Variants in ADAM32 observed in about 807,000 individuals in gnomAD.
ADAM32 encodes disintegrin and metalloproteinase domain-containing protein 32.
Under a neutral mutation model 114.9 loss-of-function variants are expected in ADAM32, and 89 were observed. The observed-to-expected ratio is 0.77, with a 90% CI of 0.65 to 0.92. The LOEUF (loss-of-function observed/expected upper bound fraction) is 0.92. ADAM32 is among the 40% of genes least tolerant of loss of function. The pLI is 0.00. For synonymous variants in ADAM32, 285 were observed against 307.5 expected (o/e 0.93, Z 0.77); for missense variants, 870 against 932.8 (o/e 0.93, Z 0.88).
intron 22 of ADAM32, among the ~76,000 whole-genome samples, chr8:39,279,032 G>A (rs6994258): frequency 0.036 from 5,436 of 151,976 alleles, 257 homozygotes; most frequent in African/African-American, 0.11. Flanking sequence ...CTTTTTCTAG[G>A]TGGCTTCTAA....
chr8:39,178,186 G>A (rs942730847), intron 10 of ADAM32, among the ~76,000 whole-genome samples: 2 of 152,092 alleles, frequency 1.3e-5, no homozygotes, highest in African/African-American at 4.8e-5. Context: ...ATATAATCCC[G>A]TATTTCTCAG....
intron 11 of ADAM32, among the ~76,000 whole-genome samples, chr8:39,206,893 CTG>C (rs902028802): frequency 3.3e-5 from 5 of 151,742 alleles, no homozygotes; most frequent in African/African-American, 1.2e-4. Context: ...TAGTATAGTG[CTG>C]TGTCAGCTTG....
At chr8:39,196,266 A>G (rs1278974583) in intron 11 of ADAM32, among the ~76,000 whole-genome samples, 1 of 152,136 alleles carries the variant, frequency 6.6e-6, no homozygotes, top group Non-Finnish European at 1.5e-5. Flanking sequence ...TTCTATATAT[A>G]AGAGCATGTC....
intron 1 of ADAM32, among the ~76,000 whole-genome samples, chr8:39,112,007 C>G (rs1486239147): frequency 1.3e-5 from 2 of 152,004 alleles, no homozygotes; most frequent in Non-Finnish European, 1.5e-5. Context: ...AATCCTGGAA[C>G]TTTAAAAATA....
chr8:39,205,662 G>A (rs1807778788), intron 11 of ADAM32, among the ~76,000 whole-genome samples: 1 of 152,230 alleles, frequency 6.6e-6, no homozygotes, highest in South Asian at 2.1e-4. Flanking sequence ...CCAGTGAGAT[G>A]AACCTGGAAC....
chr8:39,270,279 A>G (rs940538067), intron 19 of ADAM32, among the ~76,000 whole-genome samples: 1 of 152,184 alleles, frequency 6.6e-6, no homozygotes, highest in Admixed American at 6.5e-5. Flanking sequence ...CTGCACTTTT[A>G]TGACACTTGG....
chr8:39,284,831 A>AAACG lies in ADAM32; in HGVS notation c.*32_*33insAACG. On this transcript the variant is annotated 3_prime_UTR_variant, in exon 25 of 25. Transcript: ENST00000379907. ...CTTCAGAAGGCAACGGATAACATCG[A>AAACG]GAGTCTCGCTAAGAAATGAAAATTC... is the stretch of plus-strand genomic sequence containing the variant. 6.2e-7 allele frequency: 1 copy of AAACG among 1,612,260 alleles called. No homozygotes were observed. The highest frequency in any genetic ancestry group is 8.5e-7 in the Non-Finnish European group (1 of 1,178,470).
intron 17 of ADAM32, among the ~76,000 whole-genome samples, chr8:39,252,886 A>G (rs1585649912): frequency 6.6e-6 from 1 of 151,734 alleles, no homozygotes; most frequent in South Asian, 2.1e-4. Context: ...GAACAGAACA[A>G]TAACAAATAA....
At chr8:39,154,055 T>C (rs1226207181) in intron 6 of ADAM32, among the ~76,000 whole-genome samples, 1 of 150,378 alleles carries the variant, frequency 6.6e-6, no homozygotes, top group East Asian at 1.9e-4. Flanking sequence ...TATATGTAAT[T>C]ATACTTTAAG....
Position 39,120,183 on chromosome 8 carries a change from G to T in ADAM32, c.138+2018G>T, listed in dbSNP as rs572640053. Among the ~76,000 whole-genome samples the T allele has an allele frequency of 1.3e-3, 203 of 152,292 alleles. 2 individuals carry two copies. The highest frequency in any genetic ancestry group is 2.4e-3 in the Non-Finnish European group (161 of 68,028). On this transcript the variant is annotated intron_variant, in intron 2 of 24. Transcript: ENST00000379907. ...ATTTTGTTTGGGTAGCTTGAGCAGA[G>T]TAATCCGATTTTGGTATTGTGAAGT...
At chr8:39,247,390 C>T (rs903168953) in intron 17 of ADAM32, among the ~76,000 whole-genome samples, 2 of 152,050 alleles carry the variant, frequency 1.3e-5, no homozygotes, top group Non-Finnish European at 2.9e-5. Context: ...TGGATTTTGG[C>T]CATTCTAATA....
chr8:39,222,187 T>A (rs1407851561), intron 13 of ADAM32, among the ~76,000 whole-genome samples: 1 of 152,036 alleles, frequency 6.6e-6, no homozygotes, highest in South Asian at 2.1e-4. Context: ...ATCATTTGAC[T>A]TAAAGATTAT....
intron 5 of ADAM32, 66 bp downstream of exon 5, chr8:39,149,933 C>G: frequency 1.5e-6 from 2 of 1,365,240 alleles, no homozygotes; most frequent in Non-Finnish European, 2.1e-6. Flanking sequence ...AATTTGTTCT[C>G]TTTGTATTAA....
intron 19 of ADAM32, among the ~76,000 whole-genome samples, chr8:39,267,212 G>A (rs1812425495): frequency 6.6e-6 from 1 of 152,322 alleles, no homozygotes; most frequent in South Asian, 2.1e-4. Flanking sequence ...ACTGGTGAGG[G>A]GGTGGAGAGA....
chr8:39,269,680 G>A (rs73676824), intron 19 of ADAM32, among the ~76,000 whole-genome samples: 110 of 152,226 alleles, frequency 7.2e-4, no homozygotes, highest in African/African-American at 2.6e-3. Flanking sequence ...TTTTAGTGTA[G>A]TGTTGACATT....
intron 11 of ADAM32, among the ~76,000 whole-genome samples, chr8:39,192,923 C>T (rs898431062): frequency 1.3e-5 from 2 of 152,090 alleles, no homozygotes; most frequent in Admixed American, 6.5e-5. Context: ...GGTGACCTGT[C>T]CTTTCTATCT....
At chr8:39,156,843 C>G (rs1804182861) in intron 6 of ADAM32, among the ~76,000 whole-genome samples, 1 of 152,128 alleles carries the variant, frequency 6.6e-6, no homozygotes, top group African/African-American at 2.4e-5. Context: ...TCCTAATGAC[C>G]TAATTTTCAA....
chr8:39,110,548 G>T (rs28731495), intron 1 of ADAM32, among the ~76,000 whole-genome samples: 5,422 of 152,134 alleles, frequency 0.036, 115 homozygotes, highest in Non-Finnish European at 0.047. Flanking sequence ...AACTCATTTG[G>T]GTAAATACCA....
chr8:39,255,872 G>A (rs546456900), intron 18 of ADAM32, among the ~76,000 whole-genome samples: 1 of 152,128 alleles, frequency 6.6e-6, no homozygotes, highest in East Asian at 1.9e-4. Context: ...TTAAATTTAA[G>A]TCTTTGATCC....
Sources: gnomAD v4.1 joint callset for allele counts (sites outside exome capture counted in the v4.1 genomes callset) on GRCh38, gnomAD v4.1.1 for gene constraint, MANE v1.5 for transcripts, NCBI Gene and HGNC (gene_info 2026-07-23, HGNC 2026-07-21) for gene names.